ARK2N: variants seen among roughly 807,000 people sequenced by gnomAD.
The protein encoded by ARK2N is protein ARK2N.
the ARK2N span, among the ~76,000 whole-genome samples, chr18:46,260,576 G>GT: frequency 6.6e-6 from 1 of 152,226 alleles, no homozygotes; most frequent in Non-Finnish European, 1.5e-5. Flanking sequence ...TTTTTAGATA[G>GT]TTGAAGTGCC....
chr18:46,214,293 C>T, the ARK2N span, among the ~76,000 whole-genome samples: 3 of 152,062 alleles, frequency 2.0e-5, no homozygotes, highest in South Asian at 2.1e-4. Context: ...CCTAGCATAC[C>T]GTATAGAATA....
the ARK2N span, among the ~76,000 whole-genome samples, chr18:46,259,885 C>CTGTGTGTGTGTGTGTGTGGGTG: frequency 1.2e-5 from 1 of 81,702 alleles, no homozygotes; most frequent in Non-Finnish European, 2.5e-5. Context: ...ATCCTCCCGT[C>CTGTGTGTGTGTGTGTGTGGGTG]TGTGTGTGTG....
the ARK2N span, among the ~76,000 whole-genome samples, chr18:46,190,853 T>C: frequency 6.6e-6 from 1 of 152,226 alleles, no homozygotes; most frequent in Non-Finnish European, 1.5e-5. Flanking sequence ...ACTGGTTTTC[T>C]GTATGCTATG....
At chr18:46,197,237 A>G in the ARK2N span, among the ~76,000 whole-genome samples, 3 of 152,098 alleles carry the variant, frequency 2.0e-5, no homozygotes, top group Non-Finnish European at 4.4e-5. Context: ...AGATTGCCCA[A>G]AAGTCGTGTC....
chr18:46,192,760 G>A, the ARK2N span, among the ~76,000 whole-genome samples: 3 of 151,716 alleles, frequency 2.0e-5, no homozygotes, highest in South Asian at 6.2e-4. Flanking sequence ...AGTTGAGATG[G>A]GGTTTCACTA....
At chr18:46,181,792 G>A in the ARK2N span, among the ~76,000 whole-genome samples, 1 of 152,190 alleles carries the variant, frequency 6.6e-6, no homozygotes, top group African/African-American at 2.4e-5. Flanking sequence ...TTGATTGATT[G>A]AGATGGGGTC....
At chr18:46,257,791 T>G in the ARK2N span, among the ~76,000 whole-genome samples, 2 of 152,132 alleles carry the variant, frequency 1.3e-5, no homozygotes, top group South Asian at 4.1e-4. Context: ...AACAGTTCCT[T>G]TTGGTACCTG....
the ARK2N span, among the ~76,000 whole-genome samples, chr18:46,209,277 T>C: frequency 6.7e-6 from 1 of 148,920 alleles, no homozygotes; most frequent in African/African-American, 2.5e-5. Context: ...GCAGATGTTA[T>C]AATACTTCTC....
At chr18:46,223,653 C>T in the ARK2N span, among the ~76,000 whole-genome samples, 772 of 152,214 alleles carry the variant, frequency 5.1e-3, 8 homozygotes, top group African/African-American at 0.017. Flanking sequence ...ATTTATAAGA[C>T]TCTTGATGTA....
the ARK2N span, among the ~76,000 whole-genome samples, chr18:46,227,029 G>A: frequency 6.6e-6 from 1 of 151,998 alleles, no homozygotes; most frequent in Non-Finnish European, 1.5e-5. Context: ...GGCTGATCTC[G>A]AACTCCTGAC....
chr18:46,221,814 A>G, the ARK2N span, among the ~76,000 whole-genome samples: 1 of 152,178 alleles, frequency 6.6e-6, no homozygotes, highest in Admixed American at 6.5e-5. Context: ...TGAATCCATG[A>G]AGCGCAGTAA....
At chr18:46,193,973 G>GT in the ARK2N span, among the ~76,000 whole-genome samples, 9 of 152,020 alleles carry the variant, frequency 5.9e-5, no homozygotes, top group Non-Finnish European at 1.0e-4. Context: ...CTCTTCTTGG[G>GT]TTTTAAGTTC....
At chr18:46,249,204 C>T in the ARK2N span, among the ~76,000 whole-genome samples, 2 of 151,988 alleles carry the variant, frequency 1.3e-5, no homozygotes, top group Non-Finnish European at 2.9e-5. Context: ...TTCCCAGAAA[C>T]TCCCCCTTTT....
At chr18:46,222,815 A>G in the ARK2N span, among the ~76,000 whole-genome samples, 1 of 152,154 alleles carries the variant, frequency 6.6e-6, no homozygotes, top group African/African-American at 2.4e-5. Context: ...TTCCCCTACT[A>G]TCAACATCCT....
chr18:46,259,297 G>A, the ARK2N span, among the ~76,000 whole-genome samples: 9 of 147,214 alleles, frequency 6.1e-5, no homozygotes, highest in Admixed American at 4.1e-4. Context: ...AGGCTGGAGT[G>A]CAGTGGCACG....
the ARK2N span, among the ~76,000 whole-genome samples, chr18:46,190,710 AC>A: frequency 6.6e-6 from 1 of 152,144 alleles, no homozygotes; most frequent in South Asian, 2.1e-4. Flanking sequence ...TCTAAAGTTT[AC>A]CAGCAGCCCC....
the ARK2N span, among the ~76,000 whole-genome samples, chr18:46,200,972 CTTTTTTCTTTTTTTT>C: frequency 1.6e-5 from 2 of 125,914 alleles, no homozygotes; most frequent in Non-Finnish European, 3.2e-5. Flanking sequence ...ACATCATTTT[CTTTTTTCTTTTTTTT>C]TTTTTTTTTT....
chr18:46,212,810 G>A, the ARK2N span, among the ~76,000 whole-genome samples: 5 of 151,982 alleles, frequency 3.3e-5, no homozygotes, highest in Non-Finnish European at 7.4e-5. Flanking sequence ...ATTTCTTGAA[G>A]AAACAAGCGT....
chr18:46,243,013 T>C, the ARK2N span, among the ~76,000 whole-genome samples: 1 of 152,246 alleles, frequency 6.6e-6, no homozygotes, highest in African/African-American at 2.4e-5. Flanking sequence ...CTGTATATCA[T>C]AGGATGCAGT....
Sources: gnomAD v4.1 joint callset for allele counts (sites outside exome capture counted in the v4.1 genomes callset) on GRCh38, gnomAD v4.1.1 for gene constraint, MANE v1.5 for transcripts, NCBI Gene and HGNC (gene_info 2026-07-23, HGNC 2026-07-21) for gene names.